Variants in FSTL4 observed in about 807,000 individuals in gnomAD.
FSTL4 encodes the protein follistatin-related protein 4.
Under a neutral mutation model 78.2 loss-of-function variants are expected in FSTL4, and 28 were observed. The ratio of observed to expected loss-of-function variants is 0.36; its 90% confidence interval spans 0.27 to 0.49. FSTL4 has a LOEUF of 0.49. Among genes scored for constraint, FSTL4 ranks in the 20% least tolerant of loss-of-function variants. FSTL4 has a pLI of 0.98. For missense variants in FSTL4, 922 were observed against 1,084.9 expected (o/e 0.85, Z 2.11); for synonymous variants, 422 against 440.5 (o/e 0.96, Z 0.53).
chr5:133,529,749 C>T (rs1255890209), intron 3 of FSTL4, among the ~76,000 whole-genome samples: 3 of 152,172 alleles, frequency 2.0e-5, no homozygotes, highest in Non-Finnish European at 4.4e-5. Flanking sequence ...TCGTTGAAGA[C>T]TCACCCTTCA....
chr5:133,418,436 A>C (rs1756624329), intron 3 of FSTL4, among the ~76,000 whole-genome samples: 1 of 152,188 alleles, frequency 6.6e-6, no homozygotes, highest in Non-Finnish European at 1.5e-5. Context: ...TAAGATGTGG[A>C]TTCTTCCTAA....
chr5:133,284,397 T>C (rs1370859224), intron 6 of FSTL4, among the ~76,000 whole-genome samples: 1 of 152,250 alleles, frequency 6.6e-6, no homozygotes, highest in Non-Finnish European at 1.5e-5. Context: ...ACATTTCTTC[T>C]TGATCCTAAG....
At chr5:133,375,429 T>C (rs1348537142) in intron 4 of FSTL4, among the ~76,000 whole-genome samples, 2 of 151,430 alleles carry the variant, frequency 1.3e-5, no homozygotes, top group South Asian at 2.1e-4. Flanking sequence ...AAATAATACA[T>C]AATACCTTTG....
At chr5:133,528,979 C>G (rs556694159) in intron 3 of FSTL4, among the ~76,000 whole-genome samples, 1 of 152,316 alleles carries the variant, frequency 6.6e-6, no homozygotes, top group African/African-American at 2.4e-5. Context: ...CCAGGTCTGG[C>G]CCATGAGAAC....
chr5:133,417,958 TAAAAAAAAAA>T (rs527415337), intron 3 of FSTL4, among the ~76,000 whole-genome samples: 61 of 51,140 alleles, frequency 1.2e-3, no homozygotes, highest in African/African-American at 5.8e-3. Context: ...GACTCCATCT[TAAAAAAAAAA>T]AAAAAAAAAA....
the FSTL4 span, among the ~76,000 whole-genome samples, chr5:133,728,732 T>C: frequency 6.6e-6 from 1 of 151,908 alleles, no homozygotes; most frequent in African/African-American, 2.4e-5. Context: ...TCAGATCGGA[T>C]GTCTAACCAA....
At chr5:133,433,901 G>C (rs1486985580) in intron 3 of FSTL4, among the ~76,000 whole-genome samples, 1 of 152,110 alleles carries the variant, frequency 6.6e-6, no homozygotes, top group Non-Finnish European at 1.5e-5. Context: ...GGCAGGAGAT[G>C]AGGTCAGATA....
the FSTL4 span, among the ~76,000 whole-genome samples, chr5:133,632,008 G>T: frequency 4.0e-5 from 6 of 150,940 alleles, no homozygotes; most frequent in African/African-American, 1.4e-4. Context: ...TGGGGTGGGG[G>T]TTAGGGGAGG....
At chr5:133,681,708 G>A in the FSTL4 span, among the ~76,000 whole-genome samples, 2 of 152,188 alleles carry the variant, frequency 1.3e-5, no homozygotes, top group African/African-American at 4.8e-5. Flanking sequence ...GAGAAGCAAG[G>A]CTGGGAACAT....
chr5:133,663,237 G>A, the FSTL4 span, among the ~76,000 whole-genome samples: 1 of 152,166 alleles, frequency 6.6e-6, no homozygotes, highest in African/African-American at 2.4e-5. Flanking sequence ...CAAAACTGGT[G>A]AAATCCAAAT....
At chr5:133,646,446 G>A in the FSTL4 span, among the ~76,000 whole-genome samples, 1 of 152,134 alleles carries the variant, frequency 6.6e-6, no homozygotes. Flanking sequence ...TTTATTCTGT[G>A]ATGAGAAGAC....
the FSTL4 span, among the ~76,000 whole-genome samples, chr5:133,820,698 G>GT: frequency 6.6e-6 from 1 of 152,206 alleles, no homozygotes. Context: ...TTTAGCTTTC[G>GT]TAAGTGTTGG....
the FSTL4 span, among the ~76,000 whole-genome samples, chr5:133,724,899 T>G: frequency 6.6e-6 from 1 of 152,238 alleles, no homozygotes; most frequent in African/African-American, 2.4e-5. Context: ...GTGCATGGCA[T>G]GAAGTAAAAG....
chr5:133,207,812 ATTTT>A (rs1321956015), intron 14 of FSTL4: 2 of 151,978 alleles, frequency 1.3e-5, no homozygotes, highest in Non-Finnish European at 2.9e-5. Context: ...CACCTGGCTA[ATTTT>A]TTTATTTTAT....
At chr5:133,781,412 G>T in the FSTL4 span, among the ~76,000 whole-genome samples, 1 of 143,342 alleles carries the variant, frequency 7.0e-6, no homozygotes, top group Non-Finnish European at 1.5e-5. Context: ...TGTGTGTGTG[G>T]CGTGTATGTG....
At chr5:133,419,554 A>G (rs1243593977) in intron 3 of FSTL4, among the ~76,000 whole-genome samples, 2 of 152,234 alleles carry the variant, frequency 1.3e-5, no homozygotes. Flanking sequence ...ATGAACATCT[A>G]TGTACAAGTA....
intron 3 of FSTL4, among the ~76,000 whole-genome samples, chr5:133,452,047 G>T (rs1176406330): frequency 6.6e-6 from 1 of 152,208 alleles, no homozygotes; most frequent in Non-Finnish European, 1.5e-5. Flanking sequence ...ACCTGGCTGG[G>T]GAGATAGACC....
intron 4 of FSTL4, among the ~76,000 whole-genome samples, chr5:133,389,861 G>A (rs1455249514): frequency 1.3e-5 from 2 of 152,224 alleles, no homozygotes; most frequent in Non-Finnish European, 1.5e-5. Context: ...TGGATCACTG[G>A]ATGAGCATCT....
intron 3 of FSTL4, among the ~76,000 whole-genome samples, chr5:133,561,090 AAATAATAATAATAATAATAAT>A (rs369652665): frequency 4.0e-4 from 53 of 131,236 alleles, no homozygotes; most frequent in African/African-American, 1.3e-3. Context: ...CTCGGACTCA[AAATAATAATAATAATAATAAT>A]AATAATAATA....
Sources: allele counts gnomAD v4.1 joint callset (sites outside exome capture counted in the v4.1 genomes callset), GRCh38; gene constraint gnomAD v4.1.1; transcripts MANE v1.5; gene names NCBI Gene and HGNC (gene_info 2026-07-23, HGNC 2026-07-21).